COL5A2: variants seen among roughly 807,000 people sequenced by gnomAD.
COL5A2 encodes collagen type V alpha 2 chain, also known as collagen alpha-2(V) chain.
A neutral mutation model predicts 208.2 loss-of-function variants in COL5A2; 23 were observed. That is an observed-to-expected ratio of 0.11 (90% CI 0.08 to 0.16). The LOEUF (loss-of-function observed/expected upper bound fraction) is 0.16. Ranked by LOEUF, COL5A2 falls within the 10% of genes least tolerant of loss-of-function variation. COL5A2 has a pLI of 1.00. For synonymous variants in COL5A2, 625 were observed against 628.5 expected (o/e 0.99, Z 0.08); for missense variants, 1,590 against 1,956.4 (o/e 0.81, Z 3.53).
chr2:189,414,205 T>C, the COL5A2 span, among the ~76,000 whole-genome samples: 17 of 152,332 alleles, frequency 1.1e-4, no homozygotes, highest in South Asian at 3.5e-3. Context: ...AGCTCTTCAG[T>C]CTTCGCAAGT....
At chr2:189,209,271 G>A (rs2105865781) in intron 1 of COL5A2, among the ~76,000 whole-genome samples, 1 of 152,164 alleles carries the variant, frequency 6.6e-6, no homozygotes, top group East Asian at 1.9e-4. Flanking sequence ...TCTTTACTGT[G>A]GATTAGAAAA....
the COL5A2 span, among the ~76,000 whole-genome samples, chr2:189,295,937 T>C: frequency 6.6e-6 from 1 of 152,022 alleles, no homozygotes; most frequent in Non-Finnish European, 1.5e-5. Context: ...AGTTTGATGC[T>C]CACAGATGTG....
Position 189,134,481 on chromosome 2 carries a change from C to T in COL5A2, c.98-24032G>A, listed in dbSNP as rs568194090. Among the ~76,000 whole-genome samples, 174 of 152,120 alleles carry T rather than the reference C, an allele frequency of 1.1e-3. 2 individuals are homozygous for T. Among genetic ancestry groups the T allele is most frequent in the African/African-American group, 4.0e-3 (166 of 41,502 alleles). On this transcript the variant is annotated intron_variant, in intron 1 of 53. Transcript: ENST00000374866. ...GCACGTGCCTGTAATCCCAGCTACTCGGGAGGCTGAGGTAGGAGAATCGCT... is the reference window on the plus strand; with the variant it reads ...GCACGTGCCTGTAATCCCAGCTACTTGGGAGGCTGAGGTAGGAGAATCGCT...
chr2:189,110,107 G>T (rs993334390), intron 2 of COL5A2, 118 bp downstream of exon 2: 1 of 799,460 alleles, frequency 1.3e-6, no homozygotes, highest in Non-Finnish European at 2.2e-6. Context: ...AACCCCAAAA[G>T]CCACCAAAAA....
chr2:189,217,547 T>G (rs993061366), intron 1 of COL5A2, among the ~76,000 whole-genome samples: 1 of 152,188 alleles, frequency 6.6e-6, no homozygotes, highest in East Asian at 1.9e-4. Flanking sequence ...CACACATACA[T>G]TATGGCTAAC....
chr2:189,320,952 A>AG, the COL5A2 span, among the ~76,000 whole-genome samples: 2 of 152,254 alleles, frequency 1.3e-5, no homozygotes, highest in African/African-American at 4.8e-5. Flanking sequence ...AGCCTATCAG[A>AG]CTAACAGTGG....
intron 6 of COL5A2, chr2:189,096,068 T>C (rs1686903491): frequency 6.6e-6 from 1 of 151,978 alleles, no homozygotes; most frequent in African/African-American, 2.4e-5. Context: ...GTGAAATGAG[T>C]AGAAGGATAA....
intron 1 of COL5A2, among the ~76,000 whole-genome samples, chr2:189,211,289 C>G (rs1689209902): frequency 1.3e-5 from 2 of 152,228 alleles, no homozygotes; most frequent in South Asian, 2.1e-4. Context: ...ATGACGTTCA[C>G]TAAATATTGT....
the COL5A2 span, among the ~76,000 whole-genome samples, chr2:189,248,543 G>A: frequency 2.0e-5 from 3 of 152,086 alleles, no homozygotes; most frequent in Non-Finnish European, 2.9e-5. Flanking sequence ...AGTAAACACT[G>A]TATTTCATCA....
At chr2:189,368,914 G>A in the COL5A2 span, among the ~76,000 whole-genome samples, 1 of 152,256 alleles carries the variant, frequency 6.6e-6, no homozygotes, top group South Asian at 2.1e-4. Flanking sequence ...TGTTTCTTGA[G>A]AAGTTCCATC....
the COL5A2 span, among the ~76,000 whole-genome samples, chr2:189,319,485 A>G: frequency 3.3e-5 from 5 of 152,292 alleles, no homozygotes; most frequent in South Asian, 6.2e-4. Flanking sequence ...CGCTTTTCCA[A>G]TGGTCTTAGC....
At chr2:189,340,483 C>T in the COL5A2 span, among the ~76,000 whole-genome samples, 5 of 152,196 alleles carry the variant, frequency 3.3e-5, no homozygotes, top group African/African-American at 4.8e-5. Context: ...AGAGGCCACA[C>T]TCTGGCCTGG....
chr2:189,123,850 C>T (rs1457907510), intron 1 of COL5A2, among the ~76,000 whole-genome samples: 1 of 152,044 alleles, frequency 6.6e-6, no homozygotes, highest in Non-Finnish European at 1.5e-5. Context: ...GATCACAAAG[C>T]TAGTGAGTGG....
chr2:189,263,848 T>C, the COL5A2 span, among the ~76,000 whole-genome samples: 8 of 152,256 alleles, frequency 5.3e-5, no homozygotes, highest in East Asian at 1.3e-3. Flanking sequence ...GTACACTCTT[T>C]GATATTTGCA....
At chr2:189,163,564 T>G (rs955500154) in intron 1 of COL5A2, among the ~76,000 whole-genome samples, 3 of 152,218 alleles carry the variant, frequency 2.0e-5, no homozygotes, top group African/African-American at 7.2e-5. Flanking sequence ...GGAGCTGTGC[T>G]CCTTAAATAA....
chr2:189,368,012 T>C, the COL5A2 span, among the ~76,000 whole-genome samples: 24 of 152,192 alleles, frequency 1.6e-4, no homozygotes, highest in Non-Finnish European at 3.4e-4. Context: ...CCAACTCTTC[T>C]ACCTTCAAAT....
rs1173344196 is a variant in COL5A2, at chr2:189,219,620, T to C, written c.-42+5528A>G. On this transcript the variant is annotated intron_variant, in intron 1 of 10. Coordinates refer to the COL5A2 transcript ENST00000649966. ...ACACTTGGAAATAACTTAGGTAAGATAGAATTATAGATCCCACAGTTTCTC... is the reference window on the plus strand; with the variant it reads ...ACACTTGGAAATAACTTAGGTAAGACAGAATTATAGATCCCACAGTTTCTC... 4.6e-5 allele frequency among the ~76,000 whole-genome samples: 7 copies of C among 152,178 alleles called. No individual in the cohort carries two copies. In the East Asian group the frequency reaches 7.7e-4, roughly 17 times the overall value.
chr2:189,040,855 GA>G (rs903578408), intron 50 of COL5A2, among the ~76,000 whole-genome samples: 2 of 152,098 alleles, frequency 1.3e-5, no homozygotes, highest in African/African-American at 4.8e-5. Flanking sequence ...TAAATGAGTA[GA>G]AAACATATCT....
chr2:189,283,556 G>T, the COL5A2 span, among the ~76,000 whole-genome samples: 1 of 151,736 alleles, frequency 6.6e-6, no homozygotes, highest in Non-Finnish European at 1.5e-5. Flanking sequence ...ACAGTCAAAA[G>T]GAACCTAAGA....
Sources: gnomAD v4.1 joint callset for allele counts (sites outside exome capture counted in the v4.1 genomes callset) on GRCh38, gnomAD v4.1.1 for gene constraint, MANE v1.5 for transcripts, NCBI Gene and HGNC (gene_info 2026-07-23, HGNC 2026-07-21) for gene names.